ACAD10: variants seen among roughly 807,000 people sequenced by gnomAD.
The protein encoded by ACAD10 is acyl-CoA dehydrogenase family member 10.
Under a neutral mutation model 116.8 loss-of-function variants are expected in ACAD10, and 112 were observed. The ratio of observed to expected loss-of-function variants is 0.96; its 90% confidence interval spans 0.82 to 1.12. ACAD10 has a LOEUF of 1.12. ACAD10 is among the 50% of genes most tolerant of loss of function. ACAD10 has a pLI of 0.00. For synonymous variants in ACAD10, 486 were observed against 510.6 expected (o/e 0.95, Z 0.65); for missense variants, 1,259 against 1,350.2 (o/e 0.93, Z 1.06).
intron 2 of ACAD10, among the ~76,000 whole-genome samples, chr12:111,701,137 AAAC>A (rs1386562092): frequency 6.6e-6 from 1 of 152,212 alleles, no homozygotes; most frequent in African/African-American, 2.4e-5. Context: ...TATCAGAAAA[AAAC>A]AACAAAGGTG....
chr12:111,726,992 G>A (rs772519626), intron 8 of ACAD10, among the ~76,000 whole-genome samples: 3 of 152,112 alleles, frequency 2.0e-5, no homozygotes, highest in Non-Finnish European at 2.9e-5. Context: ...TTGGGAGGCT[G>A]AGGCAGTCAG....
chr12:111,747,195 C>G lies in ACAD10; in HGVS notation c.2394+9C>G. On this transcript the variant is annotated intron_variant, in intron 15 of 20. Transcript: ENST00000313698. Reference sequence around the variant, plus strand: ...CTATGACCGAGCCCCAGGTACGTCGCCTGGGCTGCCACCCACTTGCCTGGC... The same window carrying G: ...CTATGACCGAGCCCCAGGTACGTCGGCTGGGCTGCCACCCACTTGCCTGGC... The G allele has an allele frequency of 6.2e-7, 1 of 1,608,308 alleles. No homozygotes were observed. Among genetic ancestry groups the G allele is most frequent in the Non-Finnish European group, 8.5e-7 (1 of 1,175,440 alleles).
At chr12:111,688,558 T>G (rs1313229724) in intron 1 of ACAD10, among the ~76,000 whole-genome samples, 1 of 152,030 alleles carries the variant, frequency 6.6e-6, no homozygotes, top group Non-Finnish European at 1.5e-5. Context: ...TCCCAGCACT[T>G]TGGGAGGCCG....
intron 8 of ACAD10, among the ~76,000 whole-genome samples, chr12:111,723,296 C>T (rs1230528095): frequency 1.3e-4 from 18 of 136,198 alleles, no homozygotes; most frequent in Middle Eastern, 4.8e-3. Context: ...ACCTCCCAGA[C>T]GGGGCGGCTG....
chr12:111,723,313 C>T (rs1224718152), intron 8 of ACAD10, among the ~76,000 whole-genome samples: 132 of 105,412 alleles, frequency 1.3e-3, no homozygotes, highest in Middle Eastern at 7.4e-3. Flanking sequence ...GCTGGCCGGG[C>T]GGGGGGGCTG....
At position 111,736,814 on chromosome 12, in the gene ACAD10, CT is replaced by C; in HGVS notation, c.1541-16del. On this transcript the variant is annotated splice_polypyrimidine_tract_variant and intron_variant, in intron 11 of 20. Coordinates refer to ENST00000313698, the MANE Select transcript of ACAD10 (RefSeq NM_025247.6). ...CACGTCAGTGACTACCCATGAATGGCTCTGTCTTTCTCGCAGGTATTAATGA... is the reference window on the plus strand; with the variant it reads ...CACGTCAGTGACTACCCATGAATGGCCTGTCTTTCTCGCAGGTATTAATGA... 1 of 1,607,412 alleles carries C rather than the reference CT, an allele frequency of 6.2e-7. No homozygotes were observed. Among genetic ancestry groups the C allele is most frequent in the Non-Finnish European group, 8.5e-7 (1 of 1,176,990 alleles).
At chr12:111,755,410 G>C (rs1320846169) in intron 19 of ACAD10, among the ~76,000 whole-genome samples, 1 of 151,758 alleles carries the variant, frequency 6.6e-6, no homozygotes, top group East Asian at 1.9e-4. Context: ...CTGGCCTGTT[G>C]TTTGTTTTTG....
At chr12:111,696,265 C>G (rs1888188266) in intron 2 of ACAD10, among the ~76,000 whole-genome samples, 1 of 151,864 alleles carries the variant, frequency 6.6e-6, no homozygotes, top group African/African-American at 2.4e-5. Context: ...GTTTCTCAAG[C>G]TAGTGTCGAA....
chr12:111,727,642 C>A (rs1312373972), intron 8 of ACAD10, among the ~76,000 whole-genome samples: 1 of 152,164 alleles, frequency 6.6e-6, no homozygotes, highest in Non-Finnish European at 1.5e-5. Context: ...GAATCCATTC[C>A]TGTGGCTTAC....
intron 19 of ACAD10, among the ~76,000 whole-genome samples, chr12:111,754,165 G>T (rs1055622949): frequency 6.6e-6 from 1 of 152,202 alleles, no homozygotes; most frequent in African/African-American, 2.4e-5. Context: ...GGTGGCCCTG[G>T]ACTCCCAGGG....
chr12:111,744,871 C>G lies in ACAD10; in HGVS notation c.1943C>G (p.Ser648Ter), dbSNP rs201684179. 3.3e-5 allele frequency: 53 copies of G among 1,614,200 alleles called. No individual in the cohort carries two copies. The highest frequency in any genetic ancestry group is 1.9e-4 in the African/African-American group (14 of 75,048). ...CCAGAAGCTTCCCCAGCTCATACCT[C>G]AAGGGGAGGTCTGGTTATCTCTCCA... ...SVPEASPAHT[S>*]RGGLVISPES... The change falls in exon 13 of 21, where the codon TCA (serine) becomes TGA (stop). Residue 648 changes from serine (S) to a stop codon, truncating the protein, a stop_gained. Coordinates refer to ENST00000313698, the MANE Select transcript of ACAD10 (RefSeq NM_025247.6). LOFTEE classifies it high-confidence loss of function.
intron 17 of ACAD10, chr12:111,748,963 T>C (rs1889992646): frequency 6.5e-7 from 1 of 1,540,832 alleles, no homozygotes; most frequent in East Asian, 2.3e-5. Flanking sequence ...AATCACAGAA[T>C]AGTCATTTGC....
rs764781061 is a variant in ACAD10, at chr12:111,692,774, AAC to A, written c.70_71del (p.Thr24ProfsTer60). 51 of 1,614,054 alleles carry A rather than the reference AAC, an allele frequency of 3.2e-5. No individual in the cohort carries two copies. Among genetic ancestry groups the A allele is most frequent in the Non-Finnish European group, 4.0e-5 (47 of 1,180,030 alleles). Reference sequence around the variant, plus strand: ...TGGGTGTGGAGAACAGCCTTCCTGAAACACACCCAGCGCAGGCACCAGGGGTC... The same window carrying A: ...TGGGTGTGGAGAACAGCCTTCCTGAAACACCCAGCGCAGGCACCAGGGGTC... On this transcript the variant is annotated frameshift_variant, in exon 2 of 21. Coordinates refer to ENST00000313698, the MANE Select transcript of ACAD10 (RefSeq NM_025247.6). LOFTEE classifies it high-confidence loss of function.
rs770429701 is a variant in ACAD10 at position 111,708,924 on chromosome 12, A to G, written c.532-602A>G. Among the ~76,000 whole-genome samples the G allele has an allele frequency of 1.3e-4, 20 of 152,242 alleles. No individual in the cohort carries two copies. The Middle Eastern group carries it at 0.01, about 78-fold the overall frequency. On this transcript the variant is annotated intron_variant, in intron 4 of 20. Transcript: ENST00000313698. Reference sequence around the variant, plus strand: ...GAGTACAGGAGCCTCTTAGCATGTCAGGAACAGTGTCAGCCCTCCCATGGA... The same window carrying G: ...GAGTACAGGAGCCTCTTAGCATGTCGGGAACAGTGTCAGCCCTCCCATGGA...
rs765465186 is a variant in ACAD10 at position 111,709,513 on chromosome 12, G to A, written c.532-13G>A. ...TTCGGGACATTCATCTCTCATTCCT[G>A]TCCCTCCATCAGATTGTGGAGTCCT... On this transcript the variant is annotated splice_polypyrimidine_tract_variant and intron_variant, in intron 4 of 20. Coordinates refer to ENST00000313698, the MANE Select transcript of ACAD10 (RefSeq NM_025247.6). The A allele has an allele frequency of 6.5e-7, 1 of 1,536,232 alleles. No individual in the cohort carries two copies. Among genetic ancestry groups the A allele is most frequent in the South Asian group, 1.2e-5 (1 of 80,382 alleles).
At chr12:111,742,727 G>T (rs1370247688) in intron 12 of ACAD10, among the ~76,000 whole-genome samples, 1 of 152,008 alleles carries the variant, frequency 6.6e-6, no homozygotes, top group East Asian at 1.9e-4. Context: ...TTATTTTTTT[G>T]AGACGGAATT....
rs1009498122 is a variant in ACAD10 at position 111,692,639 on chromosome 12, G to C, written c.-13-58G>C. 6.5e-6 allele frequency: 10 copies of C among 1,537,022 alleles called. No individual in the cohort carries two copies. In the African/African-American group the frequency reaches 1.4e-4, roughly 21 times the overall value. ...GCTGGCCCCTCTGAGCTCCAGGATGGAGGCCTGGTTGGGAGGCAGTGCAGG... is the reference window on the plus strand; with the variant it reads ...GCTGGCCCCTCTGAGCTCCAGGATGCAGGCCTGGTTGGGAGGCAGTGCAGG... On this transcript the variant is annotated intron_variant, in intron 1 of 20. Coordinates refer to ENST00000313698, the MANE Select transcript of ACAD10 (RefSeq NM_025247.6).
chr12:111,722,889 T>C (rs1450984628), intron 8 of ACAD10, among the ~76,000 whole-genome samples: 3 of 152,060 alleles, frequency 2.0e-5, no homozygotes, highest in Non-Finnish European at 4.4e-5. Context: ...CCGTTCTCAA[T>C]GAGCTGTTGG....
intron 2 of ACAD10, 37 bp downstream of exon 2, chr12:111,692,933 A>G (rs1888096782): frequency 6.2e-7 from 1 of 1,602,934 alleles, no homozygotes; most frequent in African/African-American, 1.3e-5. Context: ...GTGGGACTAG[A>G]GTGGTGGTGG....
Sources: allele counts gnomAD v4.1 joint callset (sites outside exome capture counted in the v4.1 genomes callset), GRCh38; gene constraint gnomAD v4.1.1; transcripts MANE v1.5; gene names NCBI Gene and HGNC (gene_info 2026-07-23, HGNC 2026-07-21).